The following PLCL1 variants were observed in gnomAD, a reference collection of about 807,000 sequenced individuals.
PLCL1 encodes phospholipase C like 1 (inactive), also known as inactive phospholipase C-like protein 1.
A neutral mutation model predicts 84.4 loss-of-function variants in PLCL1; 41 were observed. The observed-to-expected ratio is 0.49, with a 90% CI of 0.38 to 0.63. The LOEUF is 0.63. Ranked by LOEUF, PLCL1 falls within the 30% of genes least tolerant of loss-of-function variation. The pLI, the probability that PLCL1 is intolerant of heterozygous loss-of-function variation, is 0.00. For synonymous variants in PLCL1, 490 were observed against 488.3 expected (o/e 1.00, Z -0.05); for missense variants, 1,206 against 1,367.8 (o/e 0.88, Z 1.87).
At chr2:197,812,801 A>G (rs766953433) in intron 1 of PLCL1, among the ~76,000 whole-genome samples, 9 of 152,194 alleles carry the variant, frequency 5.9e-5, no homozygotes, top group Non-Finnish European at 1.0e-4. Flanking sequence ...AGGGAGATGG[A>G]TGCACAAATG....
chr2:197,873,815 A>C (rs1687690859), intron 1 of PLCL1, among the ~76,000 whole-genome samples: 1 of 152,260 alleles, frequency 6.6e-6, no homozygotes, highest in Non-Finnish European at 1.5e-5. Context: ...GGCACACCAC[A>C]ATCTGAGCTT....
intron 1 of PLCL1, among the ~76,000 whole-genome samples, chr2:197,990,587 C>CTTTATAAAACTG (rs1270439753): frequency 1.3e-5 from 2 of 152,148 alleles, no homozygotes; most frequent in Non-Finnish European, 2.9e-5. Flanking sequence ...GGGAACTGCG[C>CTTTATAAAACTG]TTTATAAAAC....
intron 1 of PLCL1, among the ~76,000 whole-genome samples, chr2:197,841,591 C>T (rs532500147): frequency 1.1e-4 from 17 of 152,224 alleles, no homozygotes; most frequent in Non-Finnish European, 2.2e-4. Flanking sequence ...ATGGATGTAC[C>T]ACAGTTTGTT....
intron 1 of PLCL1, among the ~76,000 whole-genome samples, chr2:197,879,839 C>A (rs995774649): frequency 6.6e-5 from 10 of 151,988 alleles, no homozygotes; most frequent in African/African-American, 2.4e-4. Context: ...ATTTTTAATC[C>A]CACTAAATTC....
At position 197,961,799 on chromosome 2, in the gene PLCL1, G is replaced by T. The variant is rs185755272; in HGVS notation, c.241-121959G>T. Among the ~76,000 whole-genome samples, 685 of 152,046 alleles carry T rather than the reference G, an allele frequency of 4.5e-3. 5 individuals carry two copies. Among genetic ancestry groups the T allele is most frequent in the African/African-American group, 0.016 (656 of 41,510 alleles). On this transcript the variant is annotated intron_variant, in intron 1 of 5. Coordinates refer to ENST00000428675, the MANE Select transcript of PLCL1 (RefSeq NM_006226.4). The stretch of plus-strand genomic sequence containing the variant: ...TTTGATTTACAGGATAGGTGATAAT[G>T]GTGCTTTCTCCTGGAACAAAGGATG...
intron 1 of PLCL1, among the ~76,000 whole-genome samples, chr2:197,972,700 A>G (rs557234177): frequency 3.9e-5 from 6 of 152,332 alleles, no homozygotes; most frequent in Admixed American, 2.0e-4. Context: ...AAAAAGTGCT[A>G]TGGTCTCTCC....
chr2:197,856,652 G>A (rs1687334582), intron 1 of PLCL1, among the ~76,000 whole-genome samples: 24 of 152,122 alleles, frequency 1.6e-4, no homozygotes, highest in Admixed American at 1.6e-3. Flanking sequence ...GGAAGTTGAA[G>A]AATTACAGCT....
intron 1 of PLCL1, among the ~76,000 whole-genome samples, chr2:197,904,679 A>T (rs994825266): frequency 1.3e-5 from 2 of 152,128 alleles, no homozygotes; most frequent in Admixed American, 6.5e-5. Context: ...CTGAGGAAAT[A>T]GTTGTGGTAA....
intron 5 of PLCL1, among the ~76,000 whole-genome samples, chr2:198,115,361 C>G (rs1693719631): frequency 6.6e-6 from 1 of 151,768 alleles, no homozygotes; most frequent in Non-Finnish European, 1.5e-5. Context: ...TTTGAAAGGT[C>G]TGTGTCTGGC....
chr2:198,110,053 A>G (rs1479151292), intron 5 of PLCL1, among the ~76,000 whole-genome samples: 1 of 151,824 alleles, frequency 6.6e-6, no homozygotes, highest in African/African-American at 2.4e-5. Context: ...TTATTTATTC[A>G]TGACTTTCAT....
intron 1 of PLCL1, among the ~76,000 whole-genome samples, chr2:197,994,320 T>C (rs1262488870): frequency 6.6e-6 from 1 of 152,198 alleles, no homozygotes; most frequent in African/African-American, 2.4e-5. Context: ...ATATGCTGGC[T>C]ATGGGCTAGG....
chr2:197,933,102 T>A lies in PLCL1; in HGVS notation c.240+127763T>A, dbSNP rs182766322. Among the ~76,000 whole-genome samples the A allele has an allele frequency of 2.1e-3, 314 of 152,328 alleles. 1 individual carries two copies. The highest frequency in any genetic ancestry group is 6.8e-3 in the African/African-American group (284 of 41,570). ...ACTTAAAGGTATGAAAAGAGAATTT[T>A]AAAAAATTTCAGTGAGTGTGGTGGG... On this transcript the variant is annotated intron_variant, in intron 1 of 5. Transcript: ENST00000428675.
intron 1 of PLCL1, among the ~76,000 whole-genome samples, chr2:197,835,798 T>C (rs982416018): frequency 5.3e-5 from 8 of 152,380 alleles, no homozygotes; most frequent in African/African-American, 1.9e-4. Context: ...TAGAATGTTC[T>C]CAAAGTATTC....
At chr2:198,077,390 A>G (rs1157351163) in intron 1 of PLCL1, among the ~76,000 whole-genome samples, 2 of 152,184 alleles carry the variant, frequency 1.3e-5, no homozygotes, top group African/African-American at 4.8e-5. Flanking sequence ...CTCTTGCCCA[A>G]GTTAGCAGTA....
intron 1 of PLCL1, among the ~76,000 whole-genome samples, chr2:197,974,438 G>T (rs1244684775): frequency 1.3e-5 from 2 of 152,210 alleles, no homozygotes; most frequent in African/African-American, 2.4e-5. Context: ...TTTATGAAAT[G>T]ATATGGTAAT....
intron 1 of PLCL1, among the ~76,000 whole-genome samples, chr2:197,996,192 C>A (rs2105816637): frequency 6.6e-6 from 1 of 152,038 alleles, no homozygotes; most frequent in East Asian, 1.9e-4. Context: ...AGATCCAGGC[C>A]AGAAATGCTG....
intron 1 of PLCL1, among the ~76,000 whole-genome samples, chr2:197,965,545 A>G (rs993059941): frequency 2.0e-5 from 3 of 151,512 alleles, no homozygotes; most frequent in Admixed American, 6.6e-5. Flanking sequence ...TGTTTTCTTC[A>G]TTTATTTCTG....
At chr2:197,837,579 A>G (rs1227770624) in intron 1 of PLCL1, among the ~76,000 whole-genome samples, 3 of 152,190 alleles carry the variant, frequency 2.0e-5, no homozygotes, top group African/African-American at 4.8e-5. Flanking sequence ...TAAGCTAAGG[A>G]TGGGAACTGA....
At chr2:198,003,110 T>A (rs536379525) in intron 1 of PLCL1, among the ~76,000 whole-genome samples, 2 of 152,284 alleles carry the variant, frequency 1.3e-5, no homozygotes, top group South Asian at 4.1e-4. Context: ...AGATGCTAAA[T>A]GAACTACACA....
Sources: allele counts gnomAD v4.1 joint callset (sites outside exome capture counted in the v4.1 genomes callset), GRCh38; gene constraint gnomAD v4.1.1; transcripts MANE v1.5; gene names NCBI Gene and HGNC (gene_info 2026-07-23, HGNC 2026-07-21).